KIF20B: variants seen among roughly 807,000 people sequenced by gnomAD.
The protein encoded by KIF20B is kinesin-like protein KIF20B.
KIF20B carries 188 observed loss-of-function variants against 232.5 expected under a neutral mutation model. The observed-to-expected ratio is 0.81, with a 90% CI of 0.72 to 0.91. The LOEUF (loss-of-function observed/expected upper bound fraction) is 0.91, where lower values mean the gene tolerates loss of function less well. Ranked by LOEUF, KIF20B falls within the 40% of genes least tolerant of loss-of-function variation. The pLI is 0.00. For synonymous variants in KIF20B, 712 were observed against 683.0 expected, an observed-to-expected ratio of 1.04 and a Z score of -0.66; for missense variants, 2,154 against 2,055.9, an observed-to-expected ratio of 1.05 and a Z score of -0.92.
intron 22 of KIF20B, among the ~76,000 whole-genome samples, 193 bp from the exon 23 acceptor site, chr10:89,745,706 T>C (rs1841895851): frequency 6.6e-6 from 1 of 151,798 alleles, no homozygotes; most frequent in Non-Finnish European, 1.5e-5. Context: ...TACTTCTTCT[T>C]TCCCCTGCTC....
chr10:89,730,700 A>G (rs1843300270), intron 18 of KIF20B, among the ~76,000 whole-genome samples: 1 of 152,174 alleles, frequency 6.6e-6, no homozygotes, highest in Admixed American at 6.5e-5. Flanking sequence ...TTGTTTAGGA[A>G]GAAAGTTTGA....
At chr10:89,709,900 A>C in intron 4 of KIF20B, 27 bp from the exon 5 acceptor site, 3 of 1,552,398 alleles carry the variant, frequency 1.9e-6, no homozygotes, top group Non-Finnish European at 2.6e-6. Context: ...ATTTTCTAAA[A>C]AGAGTTTTTA....
At chr10:89,757,040 GTATATATATATATATATA>G (rs34325599) in intron 26 of KIF20B, among the ~76,000 whole-genome samples, 3 of 110,748 alleles carry the variant, frequency 2.7e-5, no homozygotes, top group Non-Finnish European at 5.5e-5. Flanking sequence ...GTGTGTGTGT[GTATATATATATATATATA>G]TATATATATA....
At position 89,758,902 on chromosome 10, in the gene KIF20B, A is replaced by G. The variant is rs767330360; in HGVS notation, c.4680+20A>G. 116 of 1,429,942 alleles carry G rather than the reference A, an allele frequency of 8.1e-5. No homozygotes were observed. The highest frequency in any genetic ancestry group is 1.1e-4 in the Non-Finnish European group (113 of 1,071,902). The allele number at this position is 1,429,942 out of a possible 1,614,324, so 88.6% of individuals were successfully genotyped here. A position where few individuals can be genotyped will look rare whatever the true frequency, so the allele number is the denominator to read the frequency against. Reference sequence around the variant, plus strand: ...AAAATAGTCAGTAGTCTTTTTTGCTATGCCTTTTTAATTGAACATAGTAAT... The same window carrying G: ...AAAATAGTCAGTAGTCTTTTTTGCTGTGCCTTTTTAATTGAACATAGTAAT... On this transcript the variant is annotated intron_variant, in intron 27 of 32. Transcript: ENST00000371728.
At position 89,716,418 on chromosome 10, in the gene KIF20B, C is replaced by A; in HGVS notation, c.941-18C>A. 1 of 1,022,280 alleles carries A rather than the reference C, an allele frequency of 9.8e-7. No homozygotes were observed. 63.3% of individuals were successfully genotyped at this position (1,022,280 alleles called of 1,614,324 possible). ...TTTGTCTCAATAAATTAATATATAT[C>A]CTCTTTATTTTTTAAAGATCTACAA... On this transcript the variant is annotated intron_variant, in intron 8 of 32. Coordinates refer to ENST00000371728, the MANE Select transcript of KIF20B (RefSeq NM_001284259.2).
intron 2 of KIF20B, 23 bp from the exon 3 acceptor site, chr10:89,709,144 G>A (rs1477166704): frequency 2.0e-6 from 3 of 1,537,250 alleles, no homozygotes; most frequent in South Asian, 2.3e-5. Flanking sequence ...AAAACACAAT[G>A]TTTTTCTCCT....
At chr10:89,738,818 T>C in intron 20 of KIF20B, 140 bp from the exon 21 acceptor site, 1 of 1,170,256 alleles carries the variant, frequency 8.5e-7, no homozygotes, top group Non-Finnish European at 1.2e-6. Flanking sequence ...TATGAAATAT[T>C]TTCTGAAGAA....
chr10:89,772,827 A>G lies in KIF20B; in HGVS notation c.5381A>G (p.Gln1794Arg). 3.1e-6 allele frequency: 5 copies of G among 1,604,100 alleles called. No individual in the cohort carries two copies. The highest frequency in any genetic ancestry group is 1.7e-5 in the Admixed American group (1 of 58,094). The change falls in exon 32 of 33, where the codon CAA becomes CGA. Residue 1794 changes from glutamine to arginine, a missense_variant. By Grantham distance (43) the Gln-to-Arg change is conservative. Coordinates refer to ENST00000371728, the MANE Select transcript of KIF20B (RefSeq NM_001284259.2). ...TCATCTCCTATTGATATATCAGGCC[A>G]AGTGGTAAGCTAGTATTTCTGTTTT... Reference protein sequence around the residue: ...EISSPIDISGQVILMDQKMKE... With the variant: ...EISSPIDISGRVILMDQKMKE...
chr10:89,757,146 A>G (rs116738842), intron 26 of KIF20B, among the ~76,000 whole-genome samples: 2,446 of 150,678 alleles, frequency 0.016, 82 homozygotes, highest in African/African-American at 0.056. Flanking sequence ...TTTTCGAAGC[A>G]GTTGTACCCA....
intron 12 of KIF20B, 66 bp from the exon 13 acceptor site, chr10:89,719,350 AAAT>A: frequency 8.8e-7 from 1 of 1,136,826 alleles, no homozygotes; most frequent in Non-Finnish European, 1.2e-6. Context: ...TAAATTTATA[AAAT>A]AATCATTTTC....
At chr10:89,763,831 CTATT>C (rs1286512169) in intron 29 of KIF20B, among the ~76,000 whole-genome samples, 2 of 148,688 alleles carry the variant, frequency 1.3e-5, no homozygotes, top group Non-Finnish European at 3.0e-5. Context: ...ACTATTATTA[CTATT>C]TATTAATAGT....
At chr10:89,764,520 A>G (rs1161401077) in intron 29 of KIF20B, among the ~76,000 whole-genome samples, 1 of 152,142 alleles carries the variant, frequency 6.6e-6, no homozygotes. Flanking sequence ...CAACAGTGTA[A>G]AAGTGTTCCT....
rs1842223840 is a variant in KIF20B at position 89,760,786 on chromosome 10, G to A, written c.4791+150G>A. The A allele has an allele frequency of 1.7e-5, 9 of 532,362 alleles. No homozygotes were observed. The South Asian group carries it at 2.5e-4, about 15-fold the overall frequency. 33.0% of individuals were successfully genotyped at this position (532,362 alleles called of 1,614,324 possible). A position where few individuals can be genotyped will look rare whatever the true frequency, so the allele number is the denominator to read the frequency against. On this transcript the variant is annotated intron_variant, in intron 28 of 32. Transcript: ENST00000371728. ...GAAAGAAACTAGAGGCTTTTGAGGAGAGGTGAAATTCTTTTGGGAGATTAT... is the reference window on the plus strand; with the variant it reads ...GAAAGAAACTAGAGGCTTTTGAGGAAAGGTGAAATTCTTTTGGGAGATTAT...
At chr10:89,716,212 G>T (rs1354159016) in intron 8 of KIF20B, among the ~76,000 whole-genome samples, 1 of 152,022 alleles carries the variant, frequency 6.6e-6, no homozygotes, top group Non-Finnish European at 1.5e-5. Context: ...GGCAGACTCT[G>T]TTGACAAACA....
At chr10:89,765,117 C>G (rs930125376) in intron 29 of KIF20B, among the ~76,000 whole-genome samples, 2 of 151,828 alleles carry the variant, frequency 1.3e-5, no homozygotes, top group Non-Finnish European at 2.9e-5. Flanking sequence ...CTACATATGG[C>G]TAGCCAGTTT....
At position 89,718,841 on chromosome 10, in the gene KIF20B, A is replaced by G. The variant is rs1340679367; in HGVS notation, c.1403A>G (p.Asn468Ser). The change falls in exon 12 of 33, where the codon AAT becomes AGT. Residue 468 changes from asparagine (N) to serine (S), a missense_variant. Transcript: ENST00000371728. ...QCYLAYDETL[N>S]VLKFSAIAQK... ...TATTTAGCCTATGATGAAACACTCA[A>G]TGTATTGAAGTTCTCCGCCATTGCA... The G allele has an allele frequency of 6.3e-6, 10 of 1,598,998 alleles. No homozygotes were observed. Among genetic ancestry groups the G allele is most frequent in the Non-Finnish European group, 8.5e-6 (10 of 1,172,976 alleles).
chr10:89,719,760 G>T, intron 13 of KIF20B, 54 bp downstream of exon 13: 8 of 1,352,896 alleles, frequency 5.9e-6, no homozygotes, highest in East Asian at 2.5e-5. Context: ...TGAAGTTAAG[G>T]TTAAATCTTA....
chr10:89,732,759 C>T (rs1005199351), intron 18 of KIF20B, 144 bp from the exon 19 acceptor site: 21 of 634,538 alleles, frequency 3.3e-5, no homozygotes, highest in Admixed American at 1.2e-4. Context: ...TATTTTAGGA[C>T]GAAACTTAAG....
At chr10:89,724,611 T>A (rs547904061) in intron 14 of KIF20B, among the ~76,000 whole-genome samples, 13 of 152,290 alleles carry the variant, frequency 8.5e-5, no homozygotes, top group South Asian at 2.1e-4. Context: ...ATTTAAATTT[T>A]AATTTTTTGA....
Sources: gnomAD v4.1 joint callset for allele counts (sites outside exome capture counted in the v4.1 genomes callset) on GRCh38, gnomAD v4.1.1 for gene constraint, MANE v1.5 for transcripts, NCBI Gene and HGNC (gene_info 2026-07-23, HGNC 2026-07-21) for gene names.